Variants in NTSR1 observed in about 807,000 individuals in gnomAD.
The protein encoded by NTSR1 is neurotensin receptor 1.
In NTSR1, 29 loss-of-function variants were observed where a neutral mutation model predicts 31.2. That is an observed-to-expected ratio of 0.93 (90% CI 0.69 to 1.27). NTSR1 has a LOEUF of 1.27. NTSR1 is among the 50% of genes most tolerant of loss of function. The pLI, the probability that NTSR1 is intolerant of heterozygous loss-of-function variation, is 0.00. For synonymous variants in NTSR1, 282 were observed against 269.9 expected (o/e 1.04, Z -0.44); for missense variants, 697 against 595.4 (o/e 1.17, Z -1.78).
chr20:62,751,143 C>T (rs1989387920), intron 1 of NTSR1, among the ~76,000 whole-genome samples: 1 of 152,134 alleles, frequency 6.6e-6, no homozygotes, highest in Admixed American at 6.5e-5. Context: ...TCCCAAAATA[C>T]TGTGATTACA....
In NTSR1 at chr20:62,715,551, G is replaced by A. The variant is rs1403913505; in HGVS notation, c.714+5630G>A. ...AGCTGGCCATGGCTGGCTCTGACTG[G>A]GCTTGGAGTCCTCGAGAGTGACTTG... On this transcript the variant is annotated intron_variant, in intron 1 of 3. Transcript: ENST00000370501. The surrounding 1 kb of genome is among the most constrained non-coding windows in gnomAD (Gnocchi z 4.7). Among the ~76,000 whole-genome samples, 1 of 152,238 alleles carries A rather than the reference G, an allele frequency of 6.6e-6. No individual in the cohort carries two copies. The highest frequency in any genetic ancestry group is 6.5e-5 in the Admixed American group (1 of 15,292).
In NTSR1 at chr20:62,744,059, C is replaced by A. The variant is rs1480451642; in HGVS notation, c.715-10626C>A. ...TTCACTCCACCTCCGTCCTCCCCAT[C>A]AAAATTACACATGCGAGGGGGCAGA... On this transcript the variant is annotated intron_variant, in intron 1 of 3. Transcript: ENST00000370501. The surrounding 1 kb of genome is among the most constrained non-coding windows in gnomAD (Gnocchi z 4.1). 6.6e-6 allele frequency among the ~76,000 whole-genome samples: 1 copy of A among 152,178 alleles called. No individual in the cohort carries two copies. The highest frequency in any genetic ancestry group is 2.4e-5 in the African/African-American group (1 of 41,452).
chr20:62,733,390 G>A lies in NTSR1; in HGVS notation c.715-21295G>A, dbSNP rs1383311488. 6.6e-6 allele frequency among the ~76,000 whole-genome samples: 1 copy of A among 152,216 alleles called. No homozygotes were observed. The highest frequency in any genetic ancestry group is 2.4e-5 in the African/African-American group (1 of 41,458). ...GCTGCGCTCCTTTCCGGGAGCAAAT[G>A]AGCATCTCTCGGGACAGTTGTGTTT... On this transcript the variant is annotated intron_variant, in intron 1 of 3. Coordinates refer to ENST00000370501, the MANE Select transcript of NTSR1 (RefSeq NM_002531.3). This position sits in a 1 kb window ranked among gnomAD's most constrained non-coding sequence, Gnocchi z 5.2.
intron 1 of NTSR1, among the ~76,000 whole-genome samples, chr20:62,739,006 C>T (rs138935630): frequency 2.4e-4 from 37 of 152,316 alleles, no homozygotes; most frequent in African/African-American, 8.7e-4. Context: ...CTTTTACACA[C>T]GCGTGTTTTC....
chr20:62,725,207 C>G (rs1988886215), intron 1 of NTSR1, among the ~76,000 whole-genome samples: 1 of 152,208 alleles, frequency 6.6e-6, no homozygotes, highest in Non-Finnish European at 1.5e-5. Context: ...CAGGAAGGGG[C>G]TGGAAGGGCT....
intron 1 of NTSR1, chr20:62,735,220 A>T (rs1989069895): frequency 6.6e-6 from 1 of 152,446 alleles, no homozygotes; most frequent in Non-Finnish European, 1.5e-5. Context: ...GCCCTTGGGG[A>T]CCTACCAGGC....
At chr20:62,737,365 G>A (rs1989114666) in intron 1 of NTSR1, among the ~76,000 whole-genome samples, 1 of 152,160 alleles carries the variant, frequency 6.6e-6, no homozygotes, top group South Asian at 2.1e-4. Context: ...TTCACAGAAA[G>A]CATTCACCCA....
intron 2 of NTSR1, among the ~76,000 whole-genome samples, chr20:62,757,879 C>T (rs1989538004): frequency 6.6e-6 from 1 of 152,116 alleles, no homozygotes; most frequent in Non-Finnish European, 1.5e-5. Flanking sequence ...CTCTCCCTCT[C>T]TGAGCTTGTG....
intron 1 of NTSR1, among the ~76,000 whole-genome samples, chr20:62,752,929 AG>A (rs937809441): frequency 6.6e-6 from 1 of 152,006 alleles, no homozygotes; most frequent in Non-Finnish European, 1.5e-5. Flanking sequence ...ACGCCCAAGC[AG>A]GGGAGGGCAG....
chr20:62,753,260 G>A (rs902466020), intron 1 of NTSR1, among the ~76,000 whole-genome samples: 17 of 152,202 alleles, frequency 1.1e-4, no homozygotes, highest in Admixed American at 3.3e-4. Context: ...AAAACCTGCC[G>A]ACATTCCCAC....
chr20:62,760,185 G>T lies in NTSR1; in HGVS notation c.1175G>T (p.Arg392Met). Residue 392 changes from arginine to methionine, a missense_variant, in exon 4 of 4, where the codon AGG becomes ATG. Arg to Met is a moderately conservative substitution (Grantham distance 91). Coordinates refer to ENST00000370501, the MANE Select transcript of NTSR1 (RefSeq NM_002531.3). ...CCGGTGTGGCGGCGCAGGAGGAAGA[G>T]GCCAGCCTTCTCGAGGAAGGCCGAC... The part of the protein sequence containing the change: ...LCPVWRRRRK[R>M]PAFSRKADSV... The T allele has an allele frequency of 6.2e-7, 1 of 1,614,022 alleles. No individual in the cohort carries two copies. The highest frequency in any genetic ancestry group is 8.5e-7 in the Non-Finnish European group (1 of 1,180,028).
At chr20:62,718,094 C>T (rs1229745768) in intron 1 of NTSR1, among the ~76,000 whole-genome samples, 1 of 152,084 alleles carries the variant, frequency 6.6e-6, no homozygotes, top group East Asian at 1.9e-4. Flanking sequence ...GCTGGCCTGG[C>T]GGGGTGGCCG....
At chr20:62,736,782 C>G (rs549425137) in intron 1 of NTSR1, among the ~76,000 whole-genome samples, 38 of 152,238 alleles carry the variant, frequency 2.5e-4, no homozygotes, top group Admixed American at 1.0e-3. Context: ...TGTGTCCCCA[C>G]CCAAAATCTC....
At chr20:62,737,682 G>C (rs1247882723) in intron 1 of NTSR1, among the ~76,000 whole-genome samples, 1 of 151,730 alleles carries the variant, frequency 6.6e-6, no homozygotes, top group African/African-American at 2.4e-5. Flanking sequence ...TCTGCCCATC[G>C]CCAGGTCCAG....
chr20:62,759,712 T>C (rs1410117519), intron 3 of NTSR1, among the ~76,000 whole-genome samples: 1 of 150,596 alleles, frequency 6.6e-6, no homozygotes, highest in Admixed American at 6.6e-5. Context: ...GAGGTGGAGC[T>C]TGCAGTGAGC....
At position 62,756,350 on chromosome 20, in the gene NTSR1, G is replaced by C. The variant is rs144878599; in HGVS notation, c.916+1464G>C. 1.3e-4 allele frequency among the ~76,000 whole-genome samples: 20 copies of C among 152,362 alleles called. No individual in the cohort carries two copies. In the East Asian group the frequency reaches 3.7e-3, roughly 28 times the overall value. On this transcript the variant is annotated intron_variant, in intron 2 of 3. Transcript: ENST00000370501. Reference sequence around the variant, plus strand: ...GTGGTGGGAGGTGCTTGGCAAGAAGGCGGGGCAGGGGCAGGGCAGACGCTG... The same window carrying C: ...GTGGTGGGAGGTGCTTGGCAAGAAGCCGGGGCAGGGGCAGGGCAGACGCTG...
intron 1 of NTSR1, among the ~76,000 whole-genome samples, chr20:62,717,965 A>T (rs897624700): frequency 2.0e-5 from 3 of 152,082 alleles, no homozygotes; most frequent in African/African-American, 7.2e-5. Context: ...CAGGTCAGGA[A>T]GGCCTCGTGC....
rs11484429 is a variant in NTSR1 at position 62,732,119 on chromosome 20, C to CAAA, written c.714+22212_714+22214dup. On this transcript the variant is annotated intron_variant, in intron 1 of 3. Coordinates refer to ENST00000370501, the MANE Select transcript of NTSR1 (RefSeq NM_002531.3). The surrounding 1 kb of genome is among the most constrained non-coding windows in gnomAD (Gnocchi z 4.0). ...TGGGCGACAGAGTGAGACTCCATTT[C>CAAA]AAAAAAAAAAAAAAAATTACACTGT... 4.7e-4 allele frequency among the ~76,000 whole-genome samples: 68 copies of CAAA among 145,270 alleles called. No homozygotes were observed. Among genetic ancestry groups the CAAA allele is most frequent in the African/African-American group, 1.3e-3 (50 of 39,084 alleles).
In NTSR1 at chr20:62,740,824, T is replaced by C. The variant is rs200712144; in HGVS notation, c.715-13861T>C. 2.1e-4 allele frequency among the ~76,000 whole-genome samples: 32 copies of C among 152,356 alleles called. No homozygotes were observed. The East Asian group carries it at 6.0e-3, about 28-fold the overall frequency. ...TGCCTTGTGGGTGTGAGCATTCTCATGGGCTTGAAGCTGGCAGATATTTGA... is the reference window on the plus strand; with the variant it reads ...TGCCTTGTGGGTGTGAGCATTCTCACGGGCTTGAAGCTGGCAGATATTTGA... On this transcript the variant is annotated intron_variant, in intron 1 of 3. Transcript: ENST00000370501.
Sources: gnomAD v4.1 joint callset for allele counts (sites outside exome capture counted in the v4.1 genomes callset) on GRCh38, gnomAD v4.1.1 for gene constraint, Gnocchi (gnomAD v3.1) non-coding constraint, MANE v1.5 for transcripts, NCBI Gene and HGNC (gene_info 2026-07-23, HGNC 2026-07-21) for gene names.